The following CD163L1 variants were observed in gnomAD, a reference collection of about 807,000 sequenced individuals.
CD163L1 encodes the protein CD163 molecule like 1, also known as scavenger receptor cysteine-rich type 1 protein M160.
Under a neutral mutation model 165.4 loss-of-function variants are expected in CD163L1, and 124 were observed. The observed-to-expected ratio is 0.75, with a 90% CI of 0.65 to 0.87. The LOEUF is 0.87. Ranked by LOEUF, CD163L1 falls within the 40% of genes least tolerant of loss-of-function variation. The pLI is 0.00. For missense variants in CD163L1, 1,525 were observed against 1,799.9 expected, an observed-to-expected ratio of 0.85 and a Z score of 2.76; for synonymous variants, 585 against 662.2, an observed-to-expected ratio of 0.88 and a Z score of 1.79.
rs140225151 is a variant in CD163L1 at position 7,396,315 on chromosome 12, G to A, written c.1830C>T (p.Asp610=). ...FQGRWGTVCD[D]GWNSKAAAVV... Reference sequence around the variant, plus strand: ...CAGCTGCAGCTTTACTGTTCCAGCCGTCATCACACACTGTGCCCCACCGTC... The same window carrying A: ...CAGCTGCAGCTTTACTGTTCCAGCCATCATCACACACTGTGCCCCACCGTC... The change falls in exon 8 of 20, where the codon GAC becomes GAT. Residue 610 remains aspartate (D), a synonymous_variant. Transcript: ENST00000313599. 4.3e-5 allele frequency: 69 copies of A among 1,613,982 alleles called. No homozygotes were observed. The highest frequency in any genetic ancestry group is 2.0e-4 in the African/African-American group (15 of 74,920).
At chr12:7,435,196 C>A (rs1015015526) in intron 2 of CD163L1, among the ~76,000 whole-genome samples, 1 of 151,642 alleles carries the variant, frequency 6.6e-6, no homozygotes, top group Non-Finnish European at 1.5e-5. Context: ...AGAATTTCTA[C>A]TAATTTTTAG....
In CD163L1 at chr12:7,398,518, T is replaced by C; in HGVS notation, c.1475A>G (p.Lys492Arg). The C allele has an allele frequency of 6.2e-7, 1 of 1,613,314 alleles. No individual in the cohort carries two copies. Among genetic ancestry groups the C allele is most frequent in the Non-Finnish European group, 8.5e-7 (1 of 1,179,564 alleles). Reference sequence around the variant, plus strand: ...CACAGTCCCCCACTCTCCTTGGTATTTCACCTCCAATCTCCCATAACAGGG... The same window carrying C: ...CACAGTCCCCCACTCTCCTTGGTATCTCACCTCCAATCTCCCATAACAGGG... ...HSPCYGRLEV[K>R]YQGEWGTVCH... Residue 492 changes from lysine (K) to arginine (R), a missense_variant, in exon 7 of 20, where the codon AAA becomes AGA. Lys to Arg is a conservative substitution (Grantham distance 26). Transcript: ENST00000313599. The surrounding 1 kb of genome is among the most constrained non-coding windows in gnomAD (Gnocchi z 4.5).
downstream of CD163L1, among the ~76,000 whole-genome samples, chr12:7,351,113 T>G (rs1946704075): frequency 6.6e-6 from 1 of 152,144 alleles, no homozygotes; most frequent in Admixed American, 6.6e-5. Flanking sequence ...TCTTCTTTGA[T>G]CTAATGAATT....
chr12:7,378,110 T>A (rs1591897854), intron 9 of CD163L1, among the ~76,000 whole-genome samples: 2 of 152,206 alleles, frequency 1.3e-5, no homozygotes, highest in South Asian at 2.1e-4. Context: ...TCTTTCCAGA[T>A]GATGACACTG....
rs1591924774 is a variant in CD163L1 at position 7,398,123 on chromosome 12, G to A, written c.1729+141C>T. 7 of 683,918 alleles carry A rather than the reference G, an allele frequency of 1.0e-5. No individual in the cohort carries two copies. The East Asian group carries it at 1.9e-4, about 19-fold the overall frequency. The allele number at this position is 683,918 out of a possible 1,614,324, so 42.4% of individuals were successfully genotyped here. ...TAAGTGGAAGAGTTCCAGGTGAAGT[G>A]AACTGAAGTCTAATTTAAAGACAAG... On this transcript the variant is annotated intron_variant, in intron 7 of 19. Coordinates refer to ENST00000313599, the MANE Select transcript of CD163L1 (RefSeq NM_174941.6). The surrounding 1 kb of genome is among the most constrained non-coding windows in gnomAD (Gnocchi z 4.5).
chr12:7,320,200 C>T, the CD163L1 span, among the ~76,000 whole-genome samples: 1 of 151,994 alleles, frequency 6.6e-6, no homozygotes, highest in South Asian at 2.1e-4. Flanking sequence ...ATTTAAGAAA[C>T]CAGAGACATA....
intron 8 of CD163L1, among the ~76,000 whole-genome samples, chr12:7,382,590 C>T (rs899590312): frequency 1.3e-5 from 2 of 152,144 alleles, no homozygotes; most frequent in East Asian, 3.9e-4. Flanking sequence ...CCCTTGCAAT[C>T]CTAGCCATGG....
intron 4 of CD163L1, among the ~76,000 whole-genome samples, chr12:7,421,682 T>C (rs1288655240): frequency 1.4e-5 from 2 of 142,814 alleles, no homozygotes; most frequent in Admixed American, 7.3e-5. Flanking sequence ...CGTGCATATG[T>C]ACATATACAT....
chr12:7,427,247 C>T (rs1948560210), intron 4 of CD163L1, among the ~76,000 whole-genome samples: 1 of 152,046 alleles, frequency 6.6e-6, no homozygotes, highest in Non-Finnish European at 1.5e-5. Context: ...CAGAATATAG[C>T]TTCTTTTAAA....
intron 18 of CD163L1, among the ~76,000 whole-genome samples, chr12:7,364,863 C>T (rs750025314): frequency 2.0e-5 from 3 of 152,074 alleles, no homozygotes; most frequent in East Asian, 1.9e-4. Context: ...AAGCAATTTA[C>T]GGATTCAACG....
At chr12:7,425,255 T>C (rs1170681939) in intron 4 of CD163L1, among the ~76,000 whole-genome samples, 1 of 152,110 alleles carries the variant, frequency 6.6e-6, no homozygotes, top group African/African-American at 2.4e-5. Flanking sequence ...GTTTAACAAA[T>C]GATGCTGGGA....
chr12:7,322,853 C>G, the CD163L1 span, among the ~76,000 whole-genome samples: 2 of 152,114 alleles, frequency 1.3e-5, no homozygotes, highest in African/African-American at 4.8e-5. Context: ...CTGAGAGCGT[C>G]CATGGGAAAT....
At chr12:7,434,379 A>C (rs1172793490) in intron 2 of CD163L1, among the ~76,000 whole-genome samples, 1 of 152,202 alleles carries the variant, frequency 6.6e-6, no homozygotes, top group Non-Finnish European at 1.5e-5. Flanking sequence ...AAAATTTGAA[A>C]TAAGTAAAAT....
intron 5 of CD163L1, among the ~76,000 whole-genome samples, chr12:7,405,612 A>C (rs967616819): frequency 6.6e-6 from 1 of 152,202 alleles, no homozygotes; most frequent in African/African-American, 2.4e-5. Context: ...TTTTCTATGT[A>C]TATCGTTCCC....
intron 8 of CD163L1, among the ~76,000 whole-genome samples, chr12:7,391,534 G>A (rs1023900036): frequency 6.6e-6 from 1 of 152,128 alleles, no homozygotes; most frequent in Non-Finnish European, 1.5e-5. Flanking sequence ...TAAATAACCT[G>A]ATGGAGCCGA....
downstream of CD163L1, among the ~76,000 whole-genome samples, chr12:7,342,328 G>A (rs1946642668): frequency 6.6e-6 from 1 of 152,198 alleles, no homozygotes; most frequent in African/African-American, 2.4e-5. Context: ...GTGCCTTAAG[G>A]ACATGCTCCT....
At chr12:7,324,181 G>T in the CD163L1 span, 1 of 1,437,406 alleles carries the variant, frequency 7.0e-7, no homozygotes, top group Non-Finnish European at 9.3e-7. Flanking sequence ...TCCTATATAA[G>T]TAGGATGTGT....
At chr12:7,410,864 T>A (rs907730681) in intron 4 of CD163L1, among the ~76,000 whole-genome samples, 4 of 148,134 alleles carry the variant, frequency 2.7e-5, no homozygotes, top group African/African-American at 9.8e-5. Flanking sequence ...TATAAATATA[T>A]ATATATAATA....
At chr12:7,322,784 C>T in the CD163L1 span, among the ~76,000 whole-genome samples, 9 of 152,104 alleles carry the variant, frequency 5.9e-5, no homozygotes, top group East Asian at 1.9e-4. Flanking sequence ...GAGGCGTTAG[C>T]GGGTGGGTGA....
Sources: allele counts gnomAD v4.1 joint callset (sites outside exome capture counted in the v4.1 genomes callset), GRCh38; gene constraint gnomAD v4.1.1; non-coding constraint Gnocchi (gnomAD v3.1); transcripts MANE v1.5; gene names NCBI Gene and HGNC (gene_info 2026-07-23, HGNC 2026-07-21).